Variants in PUDP observed in about 807,000 individuals in gnomAD.
The protein encoded by PUDP is pseudouridine-5'-phosphatase.
PUDP carries 8 observed loss-of-function variants against 9.4 expected under a neutral mutation model. The ratio of observed to expected loss-of-function variants is 0.85; its 90% CI spans 0.50 to 1.53. The LOEUF (loss-of-function observed/expected upper bound fraction) is 1.53. Ranked by LOEUF, PUDP falls within the 40% of genes most tolerant of loss-of-function variation. PUDP has a pLI of 0.00. For synonymous variants in PUDP, 99 were observed against 80.7 expected (o/e 1.23, Z -1.22); for missense variants, 188 against 189.7 (o/e 0.99, Z 0.05).
intron 3 of PUDP, among the ~76,000 whole-genome samples, chrX:6,970,658 C>T (rs1427986949): frequency 2.7e-5 from 3 of 111,701 alleles, no homozygotes; most frequent in Non-Finnish European, 3.8e-5. Flanking sequence ...CACAGACTTT[C>T]GGGATCTCAT....
chrX:6,720,719 C>T (rs973951363), intron 1 of PUDP, among the ~76,000 whole-genome samples: 11 of 110,347 alleles, frequency 1.0e-4, no homozygotes, highest in African/African-American at 3.6e-4. Context: ...AAGTTATTTA[C>T]CTAGTGCATA....
intron 1 of PUDP, among the ~76,000 whole-genome samples, chrX:7,119,542 C>T (rs746661669): frequency 2.1e-4 from 24 of 112,391 alleles, no homozygotes; most frequent in African/African-American, 7.4e-4. Context: ...TTTGATATAT[C>T]GCTTCCTGTA....
At chrX:6,738,827 C>T (rs1032892317) in intron 3 of PUDP, among the ~76,000 whole-genome samples, 3 of 111,774 alleles carry the variant, frequency 2.7e-5, no homozygotes, top group Non-Finnish European at 5.6e-5. Flanking sequence ...TGCCTCAAAC[C>T]CAGGGAATTT....
chrX:6,963,388 A>T (rs1010029556), intron 3 of PUDP, among the ~76,000 whole-genome samples: 1 of 111,387 alleles, frequency 9.0e-6, no homozygotes, highest in Non-Finnish European at 1.9e-5. Flanking sequence ...GACTGAGCCA[A>T]GTCCTCAGCC....
chrX:6,724,720 A>G (rs769514339), upstream of PUDP, among the ~76,000 whole-genome samples: 1 of 111,597 alleles, frequency 9.0e-6, no homozygotes, highest in Non-Finnish European at 1.9e-5. Flanking sequence ...TGTATGCAGG[A>G]TTGTTTAACC....
rs772906672 is a variant in PUDP, at chrX:6,848,188, C to T, written c.*247+128945G>A. ...TGATCAAATTTATAAACATGCACCA[C>T]AGGAAGCAGACAGAGAAGCACTTTT... On this transcript the variant is annotated intron_variant and NMD_transcript_variant, in intron 3 of 3. Transcript: ENST00000655425. Among the ~76,000 whole-genome samples the T allele has an allele frequency of 9.8e-5, 11 of 111,886 alleles. No homozygotes were observed. The South Asian group carries it at 4.1e-3, about 42-fold the overall frequency.
chrX:7,082,064 T>C (rs781620564), intron 2 of PUDP, among the ~76,000 whole-genome samples: 60 of 112,479 alleles, frequency 5.3e-4, no homozygotes, highest in South Asian at 3.3e-3. Context: ...TGGTTAATTA[T>C]GTGTATAAAT....
At chrX:6,932,858 C>T (rs1447836475) in intron 3 of PUDP, among the ~76,000 whole-genome samples, 1 of 111,019 alleles carries the variant, frequency 9.0e-6, no homozygotes, top group African/African-American at 3.3e-5. Context: ...CACGGAGTCT[C>T]GCTGATTGCT....
intron 3 of PUDP, among the ~76,000 whole-genome samples, chrX:6,810,380 C>T (rs1926123844): frequency 9.0e-6 from 1 of 111,605 alleles, no homozygotes; most frequent in Non-Finnish European, 1.9e-5. Context: ...CGGGCTATGA[C>T]ATGAAACAGG....
chrX:6,932,613 G>C (rs2146770391), intron 3 of PUDP, among the ~76,000 whole-genome samples: 1 of 102,502 alleles, frequency 9.8e-6, no homozygotes, highest in East Asian at 3.3e-4. Flanking sequence ...GCGCCAGACA[G>C]TGGGCGCAGG....
intron 1 of PUDP, among the ~76,000 whole-genome samples, chrX:6,986,869 C>T (rs931921671): frequency 6.3e-5 from 7 of 111,932 alleles, no homozygotes; most frequent in Admixed American, 2.8e-4. Flanking sequence ...GTTCACGTTG[C>T]GTTTTCTTCT....
chrX:6,995,838 C>T (rs1021610769), intron 1 of PUDP, among the ~76,000 whole-genome samples: 1 of 107,595 alleles, frequency 9.3e-6, no homozygotes, highest in African/African-American at 3.4e-5. Context: ...ATAGCATCAG[C>T]CAAATATGAG....
At chrX:6,762,355 T>C (rs1035047022) in intron 3 of PUDP, among the ~76,000 whole-genome samples, 3 of 112,448 alleles carry the variant, frequency 2.7e-5, no homozygotes, top group African/African-American at 9.7e-5. Context: ...CATTGAGGGA[T>C]TGCTCGATGC....
intron 3 of PUDP, among the ~76,000 whole-genome samples, chrX:7,056,762 G>A: frequency 8.9e-6 from 1 of 111,814 alleles, no homozygotes; most frequent in Non-Finnish European, 1.9e-5. Flanking sequence ...GCCATGGAAA[G>A]TCAGCGCTAG....
intron 3 of PUDP, among the ~76,000 whole-genome samples, chrX:6,939,395 T>G (rs993881331): frequency 9.3e-6 from 1 of 107,379 alleles, no homozygotes; most frequent in Non-Finnish European, 1.9e-5. Flanking sequence ...ATATTATTAA[T>G]ATTATTAATC....
intron 3 of PUDP, among the ~76,000 whole-genome samples, chrX:6,804,379 G>C (rs1926014063): frequency 9.0e-6 from 1 of 111,606 alleles, no homozygotes; most frequent in Non-Finnish European, 1.9e-5. Context: ...TTTGCTTTGA[G>C]GTCTTTGAAA....
intron 1 of PUDP, among the ~76,000 whole-genome samples, chrX:6,717,005 G>C (rs1284675834): frequency 9.0e-6 from 1 of 111,351 alleles, no homozygotes; most frequent in African/African-American, 3.3e-5. Context: ...CTGGCCTCAA[G>C]TAATCCTTCT....
intron 1 of PUDP, among the ~76,000 whole-genome samples, chrX:7,038,132 T>C (rs769942258): frequency 4.6e-4 from 52 of 112,365 alleles, no homozygotes; most frequent in African/African-American, 1.6e-3. Flanking sequence ...GATATATATA[T>C]ATCCTTTTAC....
At chrX:6,836,287 G>C (rs919157536) in intron 3 of PUDP, among the ~76,000 whole-genome samples, 18 of 111,342 alleles carry the variant, frequency 1.6e-4, no homozygotes, top group African/African-American at 5.2e-4. Flanking sequence ...CTGTTGTAAT[G>C]AATTACCAAA....
Sources: allele counts gnomAD v4.1 joint callset (sites outside exome capture counted in the v4.1 genomes callset), GRCh38; gene constraint gnomAD v4.1.1; transcripts MANE v1.5; gene names NCBI Gene and HGNC (gene_info 2026-07-23, HGNC 2026-07-21).